ANO10: variants seen among roughly 807,000 people sequenced by gnomAD.
ANO10 encodes anoctamin 10, also known as anoctamin-10.
Under a neutral mutation model 74.7 loss-of-function variants are expected in ANO10, and 77 were observed. That is an observed-to-expected ratio of 1.03 (90% confidence interval 0.86 to 1.25). The LOEUF (loss-of-function observed/expected upper bound fraction) is 1.25, where lower values mean the gene tolerates loss of function less well. ANO10 is among the 50% of genes most tolerant of loss of function. The probability of loss-of-function intolerance (pLI) is 0.00; values close to 1 mark genes in which losing one functional copy is unlikely to be tolerated. For missense variants in ANO10, 721 were observed against 778.1 expected (o/e 0.93, Z 0.87); for synonymous variants, 279 against 284.9 (o/e 0.98, Z 0.21).
chr3:43,380,148 A>T (rs1315820124), intron 12 of ANO10, among the ~76,000 whole-genome samples: 2 of 152,190 alleles, frequency 1.3e-5, no homozygotes, highest in Admixed American at 6.5e-5. Flanking sequence ...AAAAGAATTT[A>T]AAAAAATTAA....
At chr3:43,565,551 A>G (rs1346558198) in intron 8 of ANO10, 102 bp downstream of exon 8, 1 of 973,444 alleles carries the variant, frequency 1.0e-6, no homozygotes, top group East Asian at 2.7e-5. Context: ...AATTTAAAAG[A>G]TTTTATTTGT....
chr3:43,509,941 C>A (rs928538479), intron 11 of ANO10, among the ~76,000 whole-genome samples: 2 of 152,128 alleles, frequency 1.3e-5, no homozygotes, highest in Non-Finnish European at 2.9e-5. Context: ...AAAAAGTCAA[C>A]CCCAAAAGGT....
intron 11 of ANO10, among the ~76,000 whole-genome samples, chr3:43,529,964 C>T (rs542559394): frequency 6.6e-6 from 1 of 152,106 alleles, no homozygotes. Context: ...GAGCTTAAGA[C>T]ACTAATCAAA....
chr3:43,591,782 G>A (rs2081776290), intron 4 of ANO10, among the ~76,000 whole-genome samples: 1 of 152,202 alleles, frequency 6.6e-6, no homozygotes, highest in South Asian at 2.1e-4. Flanking sequence ...CACGGACAGA[G>A]CCGAAGCAGG....
chr3:43,680,670 G>T (rs1200627533), intron 1 of ANO10, among the ~76,000 whole-genome samples: 1 of 152,106 alleles, frequency 6.6e-6, no homozygotes, highest in Admixed American at 6.5e-5. Flanking sequence ...AAATGTTAAG[G>T]GCAGCCAGAG....
chr3:43,378,033 G>A (rs1180493122), intron 12 of ANO10, among the ~76,000 whole-genome samples: 2 of 152,166 alleles, frequency 1.3e-5, no homozygotes, highest in South Asian at 2.1e-4. Context: ...TTTCACTGTC[G>A]CATGAGAAAG....
At chr3:43,604,676 G>A (rs561749786) in intron 2 of ANO10, among the ~76,000 whole-genome samples, 5 of 151,880 alleles carry the variant, frequency 3.3e-5, no homozygotes, top group South Asian at 4.2e-4. Flanking sequence ...TTTTATGATC[G>A]CCCAAAAAGT....
rs1366629837 is a variant in ANO10, at chr3:43,546,084, A to G, written c.1797+3636T>C. Among the ~76,000 whole-genome samples, 4 of 152,180 alleles carry G rather than the reference A, an allele frequency of 2.6e-5. No homozygotes were observed. The East Asian group carries it at 7.7e-4, about 29-fold the overall frequency. On this transcript the variant is annotated intron_variant, in intron 11 of 12. Coordinates refer to ENST00000292246, the MANE Select transcript of ANO10 (RefSeq NM_018075.5). ...TCCTGACACACAAAATTTTCTATTG[A>G]GAAACCAAAGCTAGGGCCCTCTCAA...
At chr3:43,498,831 T>A (rs940380455) in intron 11 of ANO10, among the ~76,000 whole-genome samples, 1 of 152,196 alleles carries the variant, frequency 6.6e-6, no homozygotes, top group Non-Finnish European at 1.5e-5. Context: ...AAATAAGATA[T>A]AACATTTCTT....
At chr3:43,483,959 C>T (rs1162407933) in intron 11 of ANO10, among the ~76,000 whole-genome samples, 1 of 152,154 alleles carries the variant, frequency 6.6e-6, no homozygotes, top group Admixed American at 6.5e-5. Flanking sequence ...TTATTTGATA[C>T]AGGGTCTCAT....
chr3:43,532,410 T>C (rs1342094778), intron 11 of ANO10, among the ~76,000 whole-genome samples: 5 of 152,274 alleles, frequency 3.3e-5, no homozygotes, highest in Non-Finnish European at 7.4e-5. Flanking sequence ...GAGGAGTAGA[T>C]AGAAAGAAAT....
chr3:43,627,608 C>T (rs1232657603), intron 1 of ANO10, among the ~76,000 whole-genome samples: 1 of 152,214 alleles, frequency 6.6e-6, no homozygotes, highest in Non-Finnish European at 1.5e-5. Context: ...AGGATGGTTT[C>T]CTAACCTCCA....
At chr3:43,451,354 C>T (rs902415895) in intron 11 of ANO10, among the ~76,000 whole-genome samples, 3 of 152,170 alleles carry the variant, frequency 2.0e-5, no homozygotes, top group Non-Finnish European at 2.9e-5. Flanking sequence ...AAAATAATAA[C>T]CTGGCCATTC....
rs1021810622 is a variant in ANO10, at chr3:43,366,169, C to G, written c.*737G>C. 1 of 153,816 alleles carries G rather than the reference C, an allele frequency of 6.5e-6. No homozygotes were observed. Among genetic ancestry groups the G allele is most frequent in the Admixed American group, 6.5e-5 (1 of 15,498 alleles). The allele number at this position is 153,816 out of a possible 1,614,324, so 9.5% of individuals were successfully genotyped here. On this transcript the variant is annotated 3_prime_UTR_variant, in exon 13 of 13. Coordinates refer to ENST00000292246, the MANE Select transcript of ANO10 (RefSeq NM_018075.5). The stretch of plus-strand genomic sequence containing the variant: ...CTAGTGTCCCTGTAGGTGGGCACCA[C>G]CAGCAGCAGTTCTCAAAAATGGCCC...
chr3:43,672,897 T>G (rs535042415), intron 1 of ANO10, among the ~76,000 whole-genome samples: 34 of 152,322 alleles, frequency 2.2e-4, no homozygotes, highest in Middle Eastern at 3.4e-3. Context: ...TACTCTCAAT[T>G]TCAAAGTTCC....
rs2079375857 is a variant in ANO10 at position 43,549,811 on chromosome 3, G to C, written c.1706C>G (p.Thr569Ser). The change falls in exon 11 of 13, where the codon ACT (threonine) becomes AGT (serine). Residue 569 changes from threonine (T) to serine (S), a missense_variant. Coordinates refer to ENST00000292246, the MANE Select transcript of ANO10 (RefSeq NM_018075.5). ...FETMSVISVV[T>S]NCALIGMSPQ... ...TGACATTCCAATCAGCGCACAGTTA[G>C]TGACCACAGATATAACACTCATCGT... The C allele has an allele frequency of 5.0e-6, 8 of 1,613,966 alleles. No individual in the cohort carries two copies. Among genetic ancestry groups the C allele is most frequent in the Non-Finnish European group, 6.8e-6 (8 of 1,179,912 alleles).
At chr3:43,645,136 T>C (rs902379066) in intron 1 of ANO10, among the ~76,000 whole-genome samples, 1 of 152,238 alleles carries the variant, frequency 6.6e-6, no homozygotes, top group African/African-American at 2.4e-5. Flanking sequence ...TGATTATTCA[T>C]TATTTATCTT....
At chr3:43,430,319 T>A (rs894997611) in intron 12 of ANO10, among the ~76,000 whole-genome samples, 1 of 152,010 alleles carries the variant, frequency 6.6e-6, no homozygotes, top group Non-Finnish European at 1.5e-5. Flanking sequence ...TTATCTTTTT[T>A]TTTTTAATGA....
rs1015104400 is a variant in ANO10, at chr3:43,678,155, T to G, written c.-12+13362A>C. Among the ~76,000 whole-genome samples the G allele has an allele frequency of 2.0e-5, 3 of 152,364 alleles. No homozygotes were observed. In the South Asian group the frequency reaches 6.2e-4, roughly 32 times the overall value. On this transcript the variant is annotated intron_variant, in intron 1 of 3. Coordinates refer to the ANO10 transcript ENST00000413397. ...GCACTCTTACATTAGCCTACTGTTATGCAAAACCATCTAATACAAGGTCTA... is the reference window on the plus strand; with the variant it reads ...GCACTCTTACATTAGCCTACTGTTAGGCAAAACCATCTAATACAAGGTCTA...
Sources: allele counts gnomAD v4.1 joint callset (sites outside exome capture counted in the v4.1 genomes callset), GRCh38; gene constraint gnomAD v4.1.1; transcripts MANE v1.5; gene names NCBI Gene and HGNC (gene_info 2026-07-23, HGNC 2026-07-21).